Variants in SLC1A5 observed in about 807,000 individuals in gnomAD.
SLC1A5 encodes the protein neutral amino acid transporter B(0).
A neutral mutation model predicts 34.9 loss-of-function variants in SLC1A5; 25 were observed. The ratio of observed to expected loss-of-function variants is 0.72; its 90% CI spans 0.52 to 1.00. The LOEUF (loss-of-function observed/expected upper bound fraction) is 1.00. Ranked by LOEUF, SLC1A5 falls within the 50% of genes least tolerant of loss-of-function variation. SLC1A5 has a pLI of 0.00. For missense variants in SLC1A5, 637 were observed against 740.0 expected, an observed-to-expected ratio of 0.86 and a Z score of 1.61; for synonymous variants, 351 against 341.2, an observed-to-expected ratio of 1.03 and a Z score of -0.32.
chr19:46,787,928 G>A lies in SLC1A5; in HGVS notation c.38C>T (p.Ala13Val). The A allele has an allele frequency of 6.3e-7, 1 of 1,578,942 alleles. No homozygotes were observed. The highest frequency in any genetic ancestry group is 1.1e-5 in the South Asian group (1 of 87,194). The change falls in exon 1 of 8, where the codon GCA (alanine) becomes GTA (valine). Residue 13 changes from alanine to valine, a missense_variant. Coordinates refer to ENST00000542575, the MANE Select transcript of SLC1A5 (RefSeq NM_005628.3). This position sits in a 1 kb window ranked among gnomAD's most constrained non-coding sequence, Gnocchi z 5.2. ...CCCGTTGGCGGTGGGCTCCGCCGCT[G>A]CGAGCCCCTTGGAGTCTCGAGGAGG... is the stretch of plus-strand genomic sequence containing the variant. Reference protein sequence around the residue: ...ADPPRDSKGLAAAEPTANGGL... With the variant: ...ADPPRDSKGLVAAEPTANGGL...
chr19:46,775,645 C>T lies in SLC1A5; in HGVS notation c.1491G>A (p.Glu497=). The T allele has an allele frequency of 6.2e-7, 1 of 1,614,154 alleles. No individual in the cohort carries two copies. Residue 497 remains glutamate, a synonymous_variant, in exon 8 of 8, where the codon GAG becomes GAA. Coordinates refer to ENST00000542575, the MANE Select transcript of SLC1A5 (RefSeq NM_005628.3). ...GCAGCTCACTCTTCACTTGTATCAACTCAGGCTCTGTGCTTCTCGACTCCG... is the reference window on the plus strand; with the variant it reads ...GCAGCTCACTCTTCACTTGTATCAATTCAGGCTCTGTGCTTCTCGACTCCG... ...DRTESRSTEP[E]LIQVKSELPL... is the part of the protein sequence containing the mutation.
In SLC1A5 at chr19:46,784,117, T is replaced by C. The variant is rs757926737; in HGVS notation, c.637A>G (p.Ile213Val). 1 of 1,613,614 alleles carries C rather than the reference T, an allele frequency of 6.2e-7. No individual in the cohort carries two copies. Residue 213 changes from isoleucine to valine, a missense_variant, in exon 3 of 8, where the codon ATC becomes GTC. Ile to Val is a conservative substitution (Grantham distance 29). Transcript: ENST00000542575. Reference protein sequence around the residue: ...SYSTTYEERNITGTRVKVPVG... With the variant: ...SYSTTYEERNVTGTRVKVPVG... The stretch of plus-strand genomic sequence containing the variant: ...CTCACCTTCACCCTGGTTCCGGTGA[T>C]ATTCCTCTCTTCATAGGTGGTAGAG...
intron 1 of SLC1A5, chr19:46,784,958 G>A: frequency 1.9e-6 from 2 of 1,066,226 alleles, no homozygotes; most frequent in Middle Eastern, 3.8e-4. Flanking sequence ...GAGTATGGGG[G>A]AGGATCTGGG....
At chr19:46,780,736 C>T (rs1186286985) in intron 4 of SLC1A5, among the ~76,000 whole-genome samples, 3 of 151,766 alleles carry the variant, frequency 2.0e-5, no homozygotes, top group Non-Finnish European at 4.4e-5. Context: ...TTTGGGAGGC[C>T]GAAGAGGGCG....
chr19:46,784,618 TGA>T (rs1478010076), intron 1 of SLC1A5, 59 bp from the exon 2 acceptor site: 7 of 1,613,712 alleles, frequency 4.3e-6, no homozygotes, highest in Non-Finnish European at 5.9e-6. Context: ...CAGCATTGTC[TGA>T]GAGGCTGGGT....
intron 4 of SLC1A5, among the ~76,000 whole-genome samples, 198 bp from the exon 5 acceptor site, chr19:46,779,106 A>T (rs1356769292): frequency 6.6e-6 from 1 of 152,144 alleles, no homozygotes; most frequent in Admixed American, 6.5e-5. Context: ...CTTTCCCCTC[A>T]AAGGTAGAGC....
In SLC1A5 at chr19:46,787,325, G is replaced by A; in HGVS notation, c.566+75C>T. ...AAGTCTCTGCTCCAGGGGCCCCAAA[G>A]CCCCGTCCTGTCCACGTGACCACTC... On this transcript the variant is annotated intron_variant, in intron 1 of 7. Transcript: ENST00000542575. This position sits in a 1 kb window ranked among gnomAD's most constrained non-coding sequence, Gnocchi z 5.2. 1 of 1,539,664 alleles carries A rather than the reference G, an allele frequency of 6.5e-7. No individual in the cohort carries two copies. The highest frequency in any genetic ancestry group is 8.8e-7 in the Non-Finnish European group (1 of 1,141,576).
Position 46,784,893 on chromosome 19 carries a change from C to G in SLC1A5, c.567-334G>C, listed in dbSNP as rs8105903. Reference sequence around the variant, plus strand: ...TCCACCCCATGCAGCAAACTTAATACCCTGGACAGCTTGCATCAGCCACTT... The same window carrying G: ...TCCACCCCATGCAGCAAACTTAATAGCCTGGACAGCTTGCATCAGCCACTT... On this transcript the variant is annotated intron_variant, in intron 1 of 7. Transcript: ENST00000542575. 10 of 1,318,130 alleles carry G rather than the reference C, an allele frequency of 7.6e-6. 1 individual carries two copies. In the South Asian group the frequency reaches 2.0e-4, roughly 26 times the overall value. The allele number at this position is 1,318,130 out of a possible 1,614,324, so 81.7% of individuals were successfully genotyped here. A position where few individuals can be genotyped will look rare whatever the true frequency, so the allele number is the denominator to read the frequency against.
chr19:46,786,247 G>C (rs1014332429), intron 1 of SLC1A5, among the ~76,000 whole-genome samples: 2 of 152,164 alleles, frequency 1.3e-5, no homozygotes, highest in African/African-American at 4.8e-5. Flanking sequence ...TGTGTTTGTC[G>C]AGATGCTACA....
rs537031395 is a variant in SLC1A5, at chr19:46,784,894, C to T, written c.567-335G>A. 6.6e-5 allele frequency: 86 copies of T among 1,301,110 alleles called. 2 individuals carry two copies. The South Asian group carries it at 1.4e-3, about 21-fold the overall frequency. The allele number at this position is 1,301,110 out of a possible 1,614,324, so 80.6% of individuals were successfully genotyped here. ...CCACCCCATGCAGCAAACTTAATAC[C>T]CTGGACAGCTTGCATCAGCCACTTC... On this transcript the variant is annotated intron_variant, in intron 1 of 7. Transcript: ENST00000542575.
chr19:46,779,059 C>T, intron 4 of SLC1A5, 151 bp from the exon 5 acceptor site: 1 of 596,054 alleles, frequency 1.7e-6, no homozygotes, highest in South Asian at 2.2e-5. Context: ...CACTCCCAGG[C>T]CTGGCCCCTG....
At position 46,775,747 on chromosome 19, in the gene SLC1A5, G is replaced by A. The variant is rs747309616; in HGVS notation, c.1389C>T (p.Val463=). 6.8e-6 allele frequency: 11 copies of A among 1,611,906 alleles called. 1 individual carries two copies. Among genetic ancestry groups the A allele is most frequent in the African/African-American group, 2.7e-5 (2 of 74,828 alleles). ...ISLILAVDWL[V]DRSCTVLNVE... is the part of the protein sequence containing the mutation. ...CATTGAGGACGGTACAGGACCGGTC[G>A]CTAAAGGGGTAGAAATGACAGCAAA... The change falls in exon 8 of 8, where the codon GTC becomes GTT. Residue 463 remains valine (V), a splice_region_variant and synonymous_variant. Coordinates refer to ENST00000542575, the MANE Select transcript of SLC1A5 (RefSeq NM_005628.3).
chr19:46,775,472 A>G lies in SLC1A5; in HGVS notation c.*38T>C. ...ATTCCTCATAATCCAGTGTCCAAAG[A>G]GCACCCCCAGCAGGGCAGGGAAGGT... On this transcript the variant is annotated 3_prime_UTR_variant, in exon 8 of 8. Transcript: ENST00000542575. The G allele has an allele frequency of 6.4e-7, 1 of 1,570,364 alleles. No individual in the cohort carries two copies. Among genetic ancestry groups the G allele is most frequent in the South Asian group, 1.2e-5 (1 of 82,704 alleles).
At chr19:46,784,187 G>A (rs1198659958) in intron 2 of SLC1A5, 43 bp from the exon 3 acceptor site, 1 of 1,459,688 alleles carries the variant, frequency 6.9e-7, no homozygotes, top group Non-Finnish European at 9.6e-7. Context: ...TCGTTACCAG[G>A]GCCTCCCAAC....
chr19:46,782,349 CCA>C, intron 4 of SLC1A5, 32 bp downstream of exon 4: 1 of 592,808 alleles, frequency 1.7e-6, no homozygotes, highest in Non-Finnish European at 3.0e-6. Flanking sequence ...CCCTCCAACC[CCA>C]CCCACCCCCA....
At chr19:46,778,054 G>A (rs968443606) in intron 5 of SLC1A5, among the ~76,000 whole-genome samples, 1 of 152,112 alleles carries the variant, frequency 6.6e-6, no homozygotes, top group African/African-American at 2.4e-5. Context: ...TATTGTCTTG[G>A]GAGGGGACAG....
chr19:46,784,574 ACACAGAGGGTTATTAGATAC>A lies in SLC1A5; in HGVS notation c.567-35_567-16del, dbSNP rs745662110. The A allele has an allele frequency of 1.9e-6, 3 of 1,614,080 alleles. No homozygotes were observed. The highest frequency in any genetic ancestry group is 2.5e-6 in the Non-Finnish European group (3 of 1,180,036). On this transcript the variant is annotated splice_polypyrimidine_tract_variant and intron_variant, in intron 1 of 7. Coordinates refer to ENST00000542575, the MANE Select transcript of SLC1A5 (RefSeq NM_005628.3). ...GGAAGATATTTCTGCAGAGACAGACACACAGAGGGTTATTAGATACCATAGTGGGAGGGCAGCATTGTCTG... is the reference window on the plus strand; with the variant it reads ...GGAAGATATTTCTGCAGAGACAGACACATAGTGGGAGGGCAGCATTGTCTG...
chr19:46,778,464 A>T (rs1268523201), intron 5 of SLC1A5, among the ~76,000 whole-genome samples: 3 of 152,194 alleles, frequency 2.0e-5, no homozygotes, highest in Non-Finnish European at 4.4e-5. Flanking sequence ...CTCCAGGGCC[A>T]CGGGGAGGCA....
At chr19:46,785,604 A>G (rs2055180709) in intron 1 of SLC1A5, among the ~76,000 whole-genome samples, 1 of 152,346 alleles carries the variant, frequency 6.6e-6, no homozygotes, top group East Asian at 1.9e-4. Flanking sequence ...AGCTGGCTCC[A>G]TAGCCCCAAG....
Sources: gnomAD v4.1 joint callset for allele counts (sites outside exome capture counted in the v4.1 genomes callset) on GRCh38, gnomAD v4.1.1 for gene constraint, Gnocchi (gnomAD v3.1) non-coding constraint, MANE v1.5 for transcripts, NCBI Gene and HGNC (gene_info 2026-07-23, HGNC 2026-07-21) for gene names.